Variants in FBXL7 observed in about 807,000 individuals in gnomAD.
FBXL7 encodes F-box and leucine rich repeat protein 7.
FBXL7 carries 12 observed loss-of-function variants against 38.3 expected under a neutral mutation model. The observed-to-expected ratio is 0.31, with a 90% CI of 0.20 to 0.51. The LOEUF is 0.51. FBXL7 is among the 20% of genes least tolerant of loss of function. The probability of loss-of-function intolerance (pLI) is 0.98; values close to 1 mark genes in which losing one functional copy is unlikely to be tolerated. For synonymous variants in FBXL7, 297 were observed against 300.9 expected, an observed-to-expected ratio of 0.99 and a Z score of 0.13; for missense variants, 567 against 676.4, an observed-to-expected ratio of 0.84 and a Z score of 1.79.
chr5:15,805,315 A>T (rs1386815710), intron 2 of FBXL7, among the ~76,000 whole-genome samples: 2 of 152,244 alleles, frequency 1.3e-5, no homozygotes, highest in East Asian at 3.9e-4. Context: ...ATTCCACAAT[A>T]TGACTTGCTC....
At chr5:15,761,315 C>T (rs1053522093) in intron 2 of FBXL7, among the ~76,000 whole-genome samples, 5 of 152,222 alleles carry the variant, frequency 3.3e-5, no homozygotes, top group South Asian at 2.1e-4. Flanking sequence ...ATCATAATCC[C>T]GTGTTCAGGA....
chr5:15,691,711 G>C (rs190409784), intron 2 of FBXL7, among the ~76,000 whole-genome samples: 1 of 152,304 alleles, frequency 6.6e-6, no homozygotes, highest in East Asian at 1.9e-4. Flanking sequence ...ATTTACCCCA[G>C]AGTGTTAAGA....
At chr5:15,721,277 A>T (rs1272289812) in intron 2 of FBXL7, among the ~76,000 whole-genome samples, 1 of 152,142 alleles carries the variant, frequency 6.6e-6, no homozygotes, top group South Asian at 2.1e-4. Context: ...TATCAAGCAA[A>T]ATAATCCCTT....
At chr5:15,541,756 G>A (rs1463099194) in intron 1 of FBXL7, among the ~76,000 whole-genome samples, 1 of 151,312 alleles carries the variant, frequency 6.6e-6, no homozygotes, top group African/African-American at 2.4e-5. Flanking sequence ...TGTTGGCCAG[G>A]CTGGTCTTGA....
At chr5:15,558,772 G>A (rs1738325861) in intron 1 of FBXL7, among the ~76,000 whole-genome samples, 1 of 152,202 alleles carries the variant, frequency 6.6e-6, no homozygotes, top group African/African-American at 2.4e-5. Flanking sequence ...TCATACTGAG[G>A]TTGCTTGTCT....
intron 2 of FBXL7, among the ~76,000 whole-genome samples, chr5:15,792,031 G>T (rs529445630): frequency 6.6e-6 from 1 of 152,254 alleles, no homozygotes; most frequent in East Asian, 1.9e-4. Flanking sequence ...TAATCCTTAA[G>T]GAGTGAATCA....
chr5:15,533,624 G>A (rs957967146), intron 1 of FBXL7, among the ~76,000 whole-genome samples: 10 of 152,108 alleles, frequency 6.6e-5, no homozygotes, highest in East Asian at 1.9e-4. Flanking sequence ...CAGAAAAATC[G>A]CCTAAACAAT....
At chr5:15,541,441 G>GTTTATA (rs35405191) in intron 1 of FBXL7, among the ~76,000 whole-genome samples, 1 of 53,370 alleles carries the variant, frequency 1.9e-5, no homozygotes, top group African/African-American at 6.4e-5. Flanking sequence ...ATGTGTGTGT[G>GTTTATA]TGTATATATA....
chr5:15,517,792 G>A (rs1736983471), intron 1 of FBXL7, among the ~76,000 whole-genome samples: 2 of 152,176 alleles, frequency 1.3e-5, no homozygotes, highest in South Asian at 2.1e-4. Flanking sequence ...TTAACTCACG[G>A]CCTGGAGTAC....
At chr5:15,834,705 C>G (rs1377172538) in intron 2 of FBXL7, among the ~76,000 whole-genome samples, 1 of 152,234 alleles carries the variant, frequency 6.6e-6, no homozygotes, top group East Asian at 1.9e-4. Context: ...TATCACAACT[C>G]TGCCACGTAG....
At chr5:15,562,677 C>T (rs1738447397) in intron 1 of FBXL7, among the ~76,000 whole-genome samples, 1 of 151,948 alleles carries the variant, frequency 6.6e-6, no homozygotes, top group African/African-American at 2.4e-5. Flanking sequence ...TTTCTCTCTC[C>T]ATCCCTTCTT....
chr5:15,758,334 A>C (rs934323471), intron 2 of FBXL7, among the ~76,000 whole-genome samples: 1 of 151,734 alleles, frequency 6.6e-6, no homozygotes, highest in Non-Finnish European at 1.5e-5. Context: ...TTAATTTTAG[A>C]ATCAGCAGGT....
Position 15,854,622 on chromosome 5 carries a change from T to C in FBXL7, c.128-73268T>C, listed in dbSNP as rs146463643. On this transcript the variant is annotated intron_variant, in intron 2 of 3. Transcript: ENST00000504595. ...ATCCTTTTTTAATTTGAAAATGCTT[T>C]TGAATTTGAACATATTAAGAGTATA... Among the ~76,000 whole-genome samples the C allele has an allele frequency of 3.4e-3, 515 of 152,310 alleles. 4 individuals carry two copies. The highest frequency in any genetic ancestry group is 0.012 in the African/African-American group (501 of 41,568).
chr5:15,532,590 GGACCAAA>G (rs891314271), intron 1 of FBXL7, among the ~76,000 whole-genome samples: 2 of 152,272 alleles, frequency 1.3e-5, no homozygotes, highest in Non-Finnish European at 2.9e-5. Flanking sequence ...TGACCAACTG[GGACCAAA>G]GCTGCCTGGT....
intron 2 of FBXL7, among the ~76,000 whole-genome samples, chr5:15,702,143 C>T (rs924904398): frequency 2.0e-5 from 3 of 150,986 alleles, no homozygotes; most frequent in African/African-American, 4.9e-5. Context: ...GAGACTGGGG[C>T]AGGAAAATCG....
At chr5:15,840,845 C>CA (rs34448584) in intron 2 of FBXL7, among the ~76,000 whole-genome samples, 888 of 83,230 alleles carry the variant, frequency 0.011, 13 homozygotes, top group African/African-American at 0.027. Context: ...GACTCTGTCT[C>CA]AAAAAAAAAA....
At chr5:15,899,358 C>T (rs898913210) in intron 2 of FBXL7, among the ~76,000 whole-genome samples, 9 of 152,166 alleles carry the variant, frequency 5.9e-5, no homozygotes, top group Non-Finnish European at 1.0e-4. Flanking sequence ...TGAGCCACCG[C>T]GCCTGGCCAA....
intron 2 of FBXL7, among the ~76,000 whole-genome samples, chr5:15,897,865 A>C (rs994257707): frequency 2.0e-5 from 3 of 152,302 alleles, no homozygotes; most frequent in Admixed American, 1.3e-4. Context: ...AAATTAATCC[A>C]ATGGGAATGG....
chr5:15,800,424 T>A (rs536202281), intron 2 of FBXL7, among the ~76,000 whole-genome samples: 1 of 152,252 alleles, frequency 6.6e-6, no homozygotes, highest in Admixed American at 6.5e-5. Context: ...GAGAAAATAA[T>A]AAATTTCTAT....
Sources: gnomAD v4.1 joint callset for allele counts (sites outside exome capture counted in the v4.1 genomes callset) on GRCh38, gnomAD v4.1.1 for gene constraint, MANE v1.5 for transcripts, NCBI Gene and HGNC (gene_info 2026-07-23, HGNC 2026-07-21) for gene names.